GRID1: variants seen among roughly 807,000 people sequenced by gnomAD.
GRID1 encodes glutamate ionotropic receptor delta type subunit 1.
GRID1 carries 28 observed loss-of-function variants against 98.0 expected under a neutral mutation model. That is an observed-to-expected ratio of 0.29 (90% CI 0.21 to 0.39). The LOEUF is 0.39. Among genes scored for constraint, GRID1 ranks in the 10% least tolerant of loss-of-function variants. The pLI is 1.00. For synonymous variants in GRID1, 553 were observed against 538.5 expected (o/e 1.03, Z -0.37); for missense variants, 1,111 against 1,340.5 (o/e 0.83, Z 2.67).
Position 85,856,094 on chromosome 10 carries a change from T to C in GRID1, c.1048A>G (p.Asn350Asp). 6.2e-7 allele frequency: 1 copy of C among 1,614,108 alleles called. No individual in the cohort carries two copies. The highest frequency in any genetic ancestry group is 8.5e-7 in the Non-Finnish European group (1 of 1,179,964). ...GGCTTAGTGGATTTCCGTATGCAGT[T>C]GAGGCTCGCCATGCTATGCCACTTC... ...DRKWHSMASL[N>D]CIRKSTKPWN... Residue 350 changes from asparagine to aspartate, a missense_variant, in exon 7 of 16, where the codon AAC becomes GAC. This residue lies in a region of GRID1 where 762 missense variants were observed against 869.1 expected (regional missense o/e 0.88). Coordinates refer to ENST00000327946, the MANE Select transcript of GRID1 (RefSeq NM_017551.3).
At chr10:86,291,300 A>G (rs1253028898) in intron 2 of GRID1, among the ~76,000 whole-genome samples, 1 of 152,088 alleles carries the variant, frequency 6.6e-6, no homozygotes, top group Non-Finnish European at 1.5e-5. Flanking sequence ...CTCCATCCCC[A>G]CTGACTCCTC....
At chr10:86,253,303 G>T (rs1039078889) in intron 2 of GRID1, among the ~76,000 whole-genome samples, 7 of 152,188 alleles carry the variant, frequency 4.6e-5, no homozygotes, top group African/African-American at 1.7e-4. Context: ...TTCCCCACAG[G>T]CACCAGGCTG....
intron 2 of GRID1, among the ~76,000 whole-genome samples, chr10:86,294,909 C>T (rs994949006): frequency 1.3e-5 from 2 of 152,084 alleles, no homozygotes; most frequent in Admixed American, 6.5e-5. Context: ...AAGGTGCACC[C>T]GCCACAGAGC....
chr10:86,323,261 A>G (rs879450664), intron 2 of GRID1, among the ~76,000 whole-genome samples: 2 of 152,134 alleles, frequency 1.3e-5, no homozygotes, highest in Admixed American at 1.3e-4. Flanking sequence ...GCTTCTCTTC[A>G]CTCAGCCTCA....
intron 12 of GRID1, among the ~76,000 whole-genome samples, chr10:85,654,571 G>C (rs1840872056): frequency 6.6e-6 from 1 of 152,230 alleles, no homozygotes; most frequent in East Asian, 1.9e-4. Context: ...TTCCTCCTGG[G>C]TTAGCCTCCC....
intron 8 of GRID1, among the ~76,000 whole-genome samples, chr10:85,845,647 A>T (rs1842998463): frequency 6.6e-6 from 1 of 152,178 alleles, no homozygotes; most frequent in Admixed American, 6.6e-5. Flanking sequence ...CCACCTCCTG[A>T]CTGACCCTGT....
chr10:85,760,375 C>T (rs971631555), intron 8 of GRID1, among the ~76,000 whole-genome samples: 4 of 152,176 alleles, frequency 2.6e-5, no homozygotes, highest in African/African-American at 9.7e-5. Context: ...GGAAATAGTG[C>T]TACTGCCTAC....
rs779374274 is a variant in GRID1 at position 86,178,271 on chromosome 10, T to C, written c.520+28093A>G. On this transcript the variant is annotated intron_variant, in intron 3 of 15. Coordinates refer to ENST00000327946, the MANE Select transcript of GRID1 (RefSeq NM_017551.3). ...TGACCAAATTATTGAGCATTTTTTT[T>C]CTTACGTTTTATATCCATCGTGCCC... Among the ~76,000 whole-genome samples, 18 of 152,116 alleles carry C rather than the reference T, an allele frequency of 1.2e-4. 1 individual carries two copies. Among genetic ancestry groups the C allele is most frequent in the Non-Finnish European group, 2.4e-4 (16 of 68,028 alleles).
At chr10:85,751,611 G>A (rs1842046417) in intron 8 of GRID1, among the ~76,000 whole-genome samples, 1 of 151,966 alleles carries the variant, frequency 6.6e-6, no homozygotes, top group South Asian at 2.1e-4. Flanking sequence ...GGCCCGTATA[G>A]GTAAAAGGTG....
At chr10:85,771,541 A>G (rs1433204307) in intron 8 of GRID1, among the ~76,000 whole-genome samples, 1 of 152,178 alleles carries the variant, frequency 6.6e-6, no homozygotes, top group Admixed American at 6.5e-5. Flanking sequence ...TTGGATAAAG[A>G]GTCAAGACCC....
intron 4 of GRID1, among the ~76,000 whole-genome samples, chr10:85,955,992 G>T (rs189830265): frequency 6.6e-6 from 1 of 152,044 alleles, no homozygotes; most frequent in African/African-American, 2.4e-5. Context: ...TGACCCACTC[G>T]AGTCACCTCC....
chr10:86,137,921 A>G (rs991914851), intron 4 of GRID1, among the ~76,000 whole-genome samples: 1 of 152,234 alleles, frequency 6.6e-6, no homozygotes, highest in African/African-American at 2.4e-5. Flanking sequence ...AAGTACATCA[A>G]ATGGAATTAG....
chr10:85,988,630 G>C (rs1842641002), intron 4 of GRID1, among the ~76,000 whole-genome samples: 1 of 152,186 alleles, frequency 6.6e-6, no homozygotes, highest in Non-Finnish European at 1.5e-5. Flanking sequence ...CAAGCACTAA[G>C]TTCCCGGGCC....
At chr10:85,854,663 G>A (rs746563021) in intron 7 of GRID1, 48 bp from the exon 8 acceptor site, 13 of 1,608,344 alleles carry the variant, frequency 8.1e-6, no homozygotes, top group African/African-American at 1.3e-5. Flanking sequence ...TAAGGTAGAG[G>A]ATGGAGTCCC....
At chr10:85,641,407 T>C (rs1564686325) in intron 13 of GRID1, among the ~76,000 whole-genome samples, 2 of 152,242 alleles carry the variant, frequency 1.3e-5, no homozygotes, top group Non-Finnish European at 2.9e-5. Context: ...GTATGGCTGC[T>C]AAACATGGAA....
chr10:85,651,888 C>A (rs1428907434), intron 12 of GRID1, among the ~76,000 whole-genome samples: 1 of 152,214 alleles, frequency 6.6e-6, no homozygotes, highest in Non-Finnish European at 1.5e-5. Context: ...AAAGCCTACC[C>A]TCTCCTCCAA....
chr10:85,884,916 G>A (rs750252634), intron 5 of GRID1, among the ~76,000 whole-genome samples: 3 of 152,042 alleles, frequency 2.0e-5, no homozygotes, highest in Non-Finnish European at 4.4e-5. Context: ...GAAGAAATGA[G>A]GGATGGAGTT....
In GRID1 at chr10:85,984,910, C is replaced by T. The variant is rs529226437; in HGVS notation, c.727-68671G>A. Among the ~76,000 whole-genome samples the T allele has an allele frequency of 3.3e-5, 5 of 152,248 alleles. No individual in the cohort carries two copies. In the East Asian group the frequency reaches 5.8e-4, roughly 18 times the overall value. On this transcript the variant is annotated intron_variant, in intron 4 of 15. Transcript: ENST00000327946. ...AATTCAATTAGCCCTGATTAACACT[C>T]TCTTGGGTGCCAAGCGCTAGGTGAT...
chr10:85,699,386 G>A (rs1409057233), intron 12 of GRID1, among the ~76,000 whole-genome samples: 1 of 152,044 alleles, frequency 6.6e-6, no homozygotes, highest in Non-Finnish European at 1.5e-5. Flanking sequence ...CTTTGTATAT[G>A]TTGGATAACA....
Sources: allele counts gnomAD v4.1 joint callset (sites outside exome capture counted in the v4.1 genomes callset), GRCh38; gene constraint gnomAD v4.1.1; regional missense constraint gnomAD v4.1.1; transcripts MANE v1.5; gene names NCBI Gene and HGNC (gene_info 2026-07-23, HGNC 2026-07-21).